DTL: variants seen among roughly 807,000 people sequenced by gnomAD.
DTL encodes denticleless E3 ubiquitin protein ligase adapter, also known as denticleless protein homolog.
Under a neutral mutation model 87.0 loss-of-function variants are expected in DTL, and 46 were observed. The ratio of observed to expected loss-of-function variants is 0.53; its 90% CI spans 0.42 to 0.68. The LOEUF is 0.68. Among genes scored for constraint, DTL ranks in the 30% least tolerant of loss-of-function variants. The pLI, the probability that DTL is intolerant of heterozygous loss-of-function variation, is 0.00. For synonymous variants in DTL, 308 were observed against 311.2 expected (o/e 0.99, Z 0.11); for missense variants, 737 against 869.4 (o/e 0.85, Z 1.91).
At chr1:212,041,805 C>T (rs1053676921) in intron 1 of DTL, among the ~76,000 whole-genome samples, 1 of 152,196 alleles carries the variant, frequency 6.6e-6, no homozygotes. Context: ...AGACCGCGCC[C>T]GGCCTATTGC....
At chr1:212,062,510 A>G (rs1654358249) in intron 5 of DTL, among the ~76,000 whole-genome samples, 1 of 152,206 alleles carries the variant, frequency 6.6e-6, no homozygotes, top group Non-Finnish European at 1.5e-5. Context: ...GTACTTACCT[A>G]ATAAGGTTGA....
At chr1:212,078,439 C>T (rs1160587460) in intron 12 of DTL, among the ~76,000 whole-genome samples, 177 bp downstream of exon 12, 1 of 152,088 alleles carries the variant, frequency 6.6e-6, no homozygotes, top group Non-Finnish European at 1.5e-5. Flanking sequence ...TTTCTCTACC[C>T]ATACCATAAT....
chr1:212,084,643 T>C (rs1477945252), intron 13 of DTL, among the ~76,000 whole-genome samples: 1 of 152,208 alleles, frequency 6.6e-6, no homozygotes, highest in Admixed American at 6.5e-5. Flanking sequence ...TTCTTTGATA[T>C]GTATGTCTAG....
intron 1 of DTL, among the ~76,000 whole-genome samples, chr1:212,037,874 A>G (rs1667534060): frequency 6.6e-6 from 1 of 152,240 alleles, no homozygotes; most frequent in Non-Finnish European, 1.5e-5. Context: ...GAGCCCTTTC[A>G]TACCAAATCG....
At chr1:212,038,690 TTGTC>T (rs1421124030) in intron 1 of DTL, among the ~76,000 whole-genome samples, 1 of 152,232 alleles carries the variant, frequency 6.6e-6, no homozygotes, top group Non-Finnish European at 1.5e-5. Context: ...GCCTCCTAGT[TTGTC>T]TGTCTTCGGT....
At chr1:212,040,151 A>T (rs1458358606) in intron 1 of DTL, among the ~76,000 whole-genome samples, 1 of 152,180 alleles carries the variant, frequency 6.6e-6, no homozygotes, top group Non-Finnish European at 1.5e-5. Flanking sequence ...ATTTCTTCAT[A>T]TTCTTATTCT....
In DTL at chr1:212,059,863, TAG is replaced by T. The variant is rs1668291000; in HGVS notation, c.461-3020_461-3019del. 2.5e-5 allele frequency among the ~76,000 whole-genome samples: 3 copies of T among 121,536 alleles called. No individual in the cohort carries two copies. The South Asian group carries it at 7.8e-4, about 31-fold the overall frequency. The allele number at this position is 121,536 out of a possible 152,430, so 79.7% of individuals were successfully genotyped here. Reference sequence around the variant, plus strand: ...ATACAAAATCAACATACAAAAAAAATAGCATTTCTATACATCAATAATGAATT... The same window carrying T: ...ATACAAAATCAACATACAAAAAAAATCATTTCTATACATCAATAATGAATT... On this transcript the variant is annotated intron_variant, in intron 5 of 14. Coordinates refer to ENST00000366991, the MANE Select transcript of DTL (RefSeq NM_016448.4).
chr1:212,092,416 G>A (rs746431556), intron 13 of DTL, among the ~76,000 whole-genome samples: 2 of 152,080 alleles, frequency 1.3e-5, no homozygotes, highest in Admixed American at 6.6e-5. Flanking sequence ...TGTAGTCCCA[G>A]CTACTTGGGA....
At chr1:212,082,018 T>TG (rs145470596) in intron 13 of DTL, among the ~76,000 whole-genome samples, 5,219 of 152,258 alleles carry the variant, frequency 0.034, 302 homozygotes, top group African/African-American at 0.12. Flanking sequence ...CCTGGTGTCT[T>TG]GGGGTACCCC....
intron 5 of DTL, among the ~76,000 whole-genome samples, chr1:212,055,602 G>T (rs1046966114): frequency 1.3e-5 from 2 of 152,168 alleles, no homozygotes; most frequent in Non-Finnish European, 2.9e-5. Flanking sequence ...CTGGGCTGCT[G>T]CAGGGCAGAG....
chr1:212,098,136 G>T (rs1655503914), intron 13 of DTL, among the ~76,000 whole-genome samples: 1 of 152,214 alleles, frequency 6.6e-6, no homozygotes, highest in South Asian at 2.1e-4. Flanking sequence ...TAGGAAAGGA[G>T]TGAAGTGGAC....
At chr1:212,074,525 C>T (rs985787822) in intron 11 of DTL, among the ~76,000 whole-genome samples, 1 of 152,028 alleles carries the variant, frequency 6.6e-6, no homozygotes, top group East Asian at 1.9e-4. Flanking sequence ...GTGGTTCAGA[C>T]GTGATGTTCT....
At chr1:212,080,511 C>A in intron 12 of DTL, 104 bp from the exon 13 acceptor site, 2 of 1,043,448 alleles carry the variant, frequency 1.9e-6, no homozygotes, top group Non-Finnish European at 2.8e-6. Flanking sequence ...GTTTATTAGA[C>A]AAAATAATTA....
chr1:212,068,957 A>G (rs906375346), intron 10 of DTL, among the ~76,000 whole-genome samples: 3 of 152,186 alleles, frequency 2.0e-5, no homozygotes, highest in African/African-American at 7.2e-5. Context: ...CCTTTGGCCT[A>G]TATTTAGAAT....
intron 5 of DTL, among the ~76,000 whole-genome samples, chr1:212,050,026 C>T (rs571472828): frequency 4.6e-5 from 7 of 151,604 alleles, no homozygotes; most frequent in Non-Finnish European, 1.0e-4. Context: ...AGAAAATTAG[C>T]TTGGTACAGT....
chr1:212,058,555 A>C (rs559702499), intron 5 of DTL, among the ~76,000 whole-genome samples: 2 of 152,272 alleles, frequency 1.3e-5, no homozygotes, highest in Admixed American at 1.3e-4. Flanking sequence ...AAGCAGTACT[A>C]AGAGGAAAGT....
In DTL at chr1:212,101,065, GAAA is replaced by G; in HGVS notation, c.2076_2078del (p.Lys694del). ...ACACCCAATTCCAGGAGACAGAGCG[GAAA>G]GAAATTGCCAAGCCCGGTAAGTCAG... On this transcript the variant is annotated inframe_deletion, in exon 14 of 15. Transcript: ENST00000366991. 6.2e-7 allele frequency: 1 copy of G among 1,608,656 alleles called. No individual in the cohort carries two copies. Among genetic ancestry groups the G allele is most frequent in the Non-Finnish European group, 8.5e-7 (1 of 1,177,572 alleles).
intron 13 of DTL, among the ~76,000 whole-genome samples, chr1:212,091,823 T>A (rs1249517259): frequency 1.3e-5 from 2 of 152,230 alleles, no homozygotes; most frequent in Non-Finnish European, 2.9e-5. Flanking sequence ...CAAAAATATA[T>A]GAAGTGATGT....
chr1:212,048,298 TCTCC>T (rs1453796556), intron 5 of DTL, among the ~76,000 whole-genome samples: 1 of 152,088 alleles, frequency 6.6e-6, no homozygotes, highest in Non-Finnish European at 1.5e-5. Flanking sequence ...CAAGCAATCC[TCTCC>T]CTCAGCGTCC....
Sources: allele counts gnomAD v4.1 joint callset (sites outside exome capture counted in the v4.1 genomes callset), GRCh38; gene constraint gnomAD v4.1.1; transcripts MANE v1.5; gene names NCBI Gene and HGNC (gene_info 2026-07-23, HGNC 2026-07-21).